The following TRPC6 variants were observed in gnomAD, a reference collection of about 807,000 sequenced individuals.
TRPC6 encodes transient receptor potential cation channel subfamily C member 6.
A neutral mutation model predicts 90.7 loss-of-function variants in TRPC6; 55 were observed. The ratio of observed to expected loss-of-function variants is 0.61; its 90% CI spans 0.49 to 0.76. The LOEUF (loss-of-function observed/expected upper bound fraction) is 0.76, where lower values mean the gene tolerates loss of function less well. TRPC6 is among the 30% of genes least tolerant of loss of function. TRPC6 has a pLI of 0.00. For missense variants in TRPC6, 989 were observed against 1,122.7 expected (o/e 0.88, Z 1.70); for synonymous variants, 393 against 393.0 (o/e 1.00, Z 0.00).
In TRPC6 at chr11:101,452,856, G is replaced by C. The variant is rs1858793870; in HGVS notation, c.*99C>G. The C allele has an allele frequency of 7.1e-7, 1 of 1,412,320 alleles. No homozygotes were observed. The highest frequency in any genetic ancestry group is 1.2e-5 in the South Asian group (1 of 83,912). The allele number at this position is 1,412,320 out of a possible 1,614,324, so 87.5% of individuals were successfully genotyped here. A position where few individuals can be genotyped will look rare whatever the true frequency, so the allele number is the denominator to read the frequency against. On this transcript the variant is annotated 3_prime_UTR_variant, in exon 13 of 13. Coordinates refer to ENST00000344327, the MANE Select transcript of TRPC6 (RefSeq NM_004621.6). The stretch of plus-strand genomic sequence containing the variant: ...GGCCCAAGTTATTTAACGTTTTCTT[G>C]TTTAAAAGGTGGGCCCATTGGCACT...
At chr11:101,493,183 G>T (rs1859869374) in intron 2 of TRPC6, among the ~76,000 whole-genome samples, 1 of 152,112 alleles carries the variant, frequency 6.6e-6, no homozygotes, top group Non-Finnish European at 1.5e-5. Context: ...TGGCTTCCCT[G>T]GGCCACATTG....
intron 1 of TRPC6, among the ~76,000 whole-genome samples, chr11:101,575,022 T>C (rs1862041559): frequency 6.6e-6 from 1 of 152,160 alleles, no homozygotes; most frequent in Non-Finnish European, 1.5e-5. Flanking sequence ...AGGCAGTCAA[T>C]CTTAACATGA....
intron 6 of TRPC6, among the ~76,000 whole-genome samples, chr11:101,474,223 C>T (rs1283667315): frequency 6.6e-6 from 1 of 152,102 alleles, no homozygotes; most frequent in African/African-American, 2.4e-5. Flanking sequence ...TAAATGGTAG[C>T]GTTTATTATT....
chr11:101,524,623 C>T (rs960219545), intron 1 of TRPC6, among the ~76,000 whole-genome samples: 2 of 152,186 alleles, frequency 1.3e-5, no homozygotes, highest in Non-Finnish European at 2.9e-5. Context: ...TACCATGCTG[C>T]AAGAACTTTG....
intron 1 of TRPC6, among the ~76,000 whole-genome samples, chr11:101,552,159 T>C (rs1024375474): frequency 2.6e-5 from 4 of 152,084 alleles, no homozygotes; most frequent in African/African-American, 9.7e-5. Flanking sequence ...TGATGCACCC[T>C]TTATAAGTTA....
chr11:101,507,468 C>T (rs1037610520), intron 1 of TRPC6, among the ~76,000 whole-genome samples: 2 of 151,820 alleles, frequency 1.3e-5, no homozygotes, highest in Non-Finnish European at 2.9e-5. Flanking sequence ...TCCTTGTTTT[C>T]TGTATCCCAG....
intron 1 of TRPC6, among the ~76,000 whole-genome samples, chr11:101,514,955 T>A (rs1034929206): frequency 1.5e-4 from 23 of 152,200 alleles, no homozygotes; most frequent in African/African-American, 5.5e-4. Context: ...GAGTTGGGAA[T>A]CCTTACTCTG....
chr11:101,561,003 C>T (rs1214897632), intron 1 of TRPC6, among the ~76,000 whole-genome samples: 3 of 152,102 alleles, frequency 2.0e-5, no homozygotes, highest in African/African-American at 4.8e-5. Flanking sequence ...AATACCATGT[C>T]TTATTGCATG....
chr11:101,538,867 C>T (rs1861111963), intron 1 of TRPC6, among the ~76,000 whole-genome samples: 1 of 152,202 alleles, frequency 6.6e-6, no homozygotes, highest in Admixed American at 6.5e-5. Context: ...ACAGAGACCT[C>T]AGTCCTTCAA....
intron 1 of TRPC6, among the ~76,000 whole-genome samples, chr11:101,582,137 T>A (rs1862211694): frequency 6.6e-6 from 1 of 152,258 alleles, no homozygotes; most frequent in Non-Finnish European, 1.5e-5. Context: ...TAATTGTAAA[T>A]GCTCTTAACT....
At chr11:101,547,019 T>A (rs76434973) in intron 1 of TRPC6, among the ~76,000 whole-genome samples, 16,352 of 152,078 alleles carry the variant, frequency 0.11, 1,638 homozygotes, top group East Asian at 0.54. Flanking sequence ...GATAAATACA[T>A]AAATGTTAAG....
At chr11:101,575,702 G>A (rs1591150640) in intron 1 of TRPC6, among the ~76,000 whole-genome samples, 1 of 152,292 alleles carries the variant, frequency 6.6e-6, no homozygotes, top group African/African-American at 2.4e-5. Context: ...AAAGAAGTGA[G>A]ATATAAAGCT....
intron 11 of TRPC6, 127 bp downstream of exon 11, chr11:101,454,891 A>C: frequency 1.5e-6 from 1 of 683,340 alleles, no homozygotes; most frequent in Non-Finnish European, 2.4e-6. Context: ...GTAATTAATA[A>C]ATATTTATTG....
In TRPC6 at chr11:101,558,388, T is replaced by TGTATATGG. The variant is rs1208017362; in HGVS notation, c.170+24945_170+24946insCCATATAC. Reference sequence around the variant, plus strand: ...GGGTATACATGTATATATGTATACATGTATACATATACACACACACATATA... The same window carrying TGTATATGG: ...GGGTATACATGTATATATGTATACATGTATATGGGTATACATATACACACACACATATA... On this transcript the variant is annotated intron_variant, in intron 1 of 12. Transcript: ENST00000344327. 2.4e-5 allele frequency among the ~76,000 whole-genome samples: 2 copies of TGTATATGG among 84,366 alleles called. 1 individual carries two copies. Among genetic ancestry groups the TGTATATGG allele is most frequent in the African/African-American group, 1.1e-4 (2 of 17,950 alleles). 55.3% of individuals were successfully genotyped at this position (84,366 alleles called of 152,430 possible).
chr11:101,464,001 T>C (rs987704341), intron 10 of TRPC6, among the ~76,000 whole-genome samples: 1 of 152,248 alleles, frequency 6.6e-6, no homozygotes, highest in South Asian at 2.1e-4. Context: ...TTCTAGTACC[T>C]TGTGTCTTTG....
rs1281327818 is a variant in TRPC6, at chr11:101,488,975, AG to A, written c.1254del (p.Phe419SerfsTer17). 1 of 1,614,184 alleles carries A rather than the reference AG, an allele frequency of 6.2e-7. No individual in the cohort carries two copies. The highest frequency in any genetic ancestry group is 1.7e-5 in the Admixed American group (1 of 60,028). On this transcript the variant is annotated frameshift_variant, in exon 4 of 13. Coordinates refer to ENST00000344327, the MANE Select transcript of TRPC6 (RefSeq NM_004621.6). LOFTEE classifies it high-confidence loss of function. ...LVVLAVAIGL[P>X]FLALIYWFAP... ...GCAAACCAGTAAATGAGAGCCAGGA[AG>A]GGCAGTCCAATGGCAACAGCAAGGA...
intron 1 of TRPC6, among the ~76,000 whole-genome samples, chr11:101,564,681 A>G (rs577005970): frequency 6.6e-5 from 10 of 152,328 alleles, no homozygotes; most frequent in Admixed American, 5.9e-4. Context: ...AACAATATCA[A>G]AATTCCAGTA....
At chr11:101,534,226 C>A (rs960826518) in intron 1 of TRPC6, among the ~76,000 whole-genome samples, 1 of 152,196 alleles carries the variant, frequency 6.6e-6, no homozygotes, top group African/African-American at 2.4e-5. Context: ...ACCTCTGCCT[C>A]CCTGGTTCAA....
At chr11:101,583,232 G>A (rs1408473877) in intron 1 of TRPC6, 102 bp downstream of exon 1, 5 of 1,478,762 alleles carry the variant, frequency 3.4e-6, no homozygotes, top group Non-Finnish European at 4.5e-6. Context: ...AGGTACACAC[G>A]CGGGTTCAGG....
Sources: gnomAD v4.1 joint callset for allele counts (sites outside exome capture counted in the v4.1 genomes callset) on GRCh38, gnomAD v4.1.1 for gene constraint, MANE v1.5 for transcripts, NCBI Gene and HGNC (gene_info 2026-07-23, HGNC 2026-07-21) for gene names.